MAP3K13: variants seen among roughly 807,000 people sequenced by gnomAD.
MAP3K13 encodes the protein mitogen-activated protein kinase kinase kinase 13.
Under a neutral mutation model 104.0 loss-of-function variants are expected in MAP3K13, and 52 were observed. The observed-to-expected ratio is 0.50, with a 90% CI of 0.40 to 0.63. MAP3K13 has a LOEUF of 0.63. Among genes scored for constraint, MAP3K13 ranks in the 20% least tolerant of loss-of-function variants. The pLI is 0.00. For synonymous variants in MAP3K13, 394 were observed against 442.2 expected (o/e 0.89, Z 1.37); for missense variants, 914 against 1,218.5 (o/e 0.75, Z 3.72).
At chr3:185,476,799 T>C (rs1718158561) in intron 11 of MAP3K13, among the ~76,000 whole-genome samples, 1 of 152,190 alleles carries the variant, frequency 6.6e-6, no homozygotes, top group African/African-American at 2.4e-5. Context: ...TATGCAGTAT[T>C]GTATTAATGG....
rs1718629858 is a variant in MAP3K13 at position 185,484,487 on chromosome 3, T to C, written c.*2031T>C. On this transcript the variant is annotated 3_prime_UTR_variant, in exon 14 of 14. Coordinates refer to ENST00000265026, the MANE Select transcript of MAP3K13 (RefSeq NM_004721.5). ...TTGCACAGACAGCTGTTAAACCATT[T>C]CCAATGCACATGAAAATGTTGCCGC... 1 of 152,212 alleles carries C rather than the reference T, an allele frequency of 6.6e-6. No individual in the cohort carries two copies. Among genetic ancestry groups the C allele is most frequent in the African/African-American group, 2.4e-5 (1 of 41,446 alleles). 9.4% of individuals were successfully genotyped at this position (152,212 alleles called of 1,614,324 possible).
chr3:185,342,331 T>TCC (rs1722751120), intron 2 of MAP3K13, among the ~76,000 whole-genome samples: 1 of 152,212 alleles, frequency 6.6e-6, no homozygotes, highest in African/African-American at 2.4e-5. Flanking sequence ...TACTCATCTG[T>TCC]CCCTTCTGCA....
chr3:185,484,541 C>CA lies in MAP3K13; in HGVS notation c.*2090dup, dbSNP rs1218835680. 6 of 152,226 alleles carry CA rather than the reference C, an allele frequency of 3.9e-5. No individual in the cohort carries two copies. In the South Asian group the frequency reaches 1.2e-3, roughly 32 times the overall value. 9.4% of individuals were successfully genotyped at this position (152,226 alleles called of 1,614,324 possible). On this transcript the variant is annotated 3_prime_UTR_variant, in exon 14 of 14. Transcript: ENST00000265026. The stretch of plus-strand genomic sequence containing the variant: ...TCTGGGTTTTACTGATTGCATCAGC[C>CA]AAAAAGGAAAGGCAGGAGGGAATTT...
Position 185,482,204 on chromosome 3 carries a change from C to A in MAP3K13, c.2800-151C>A. The A allele has an allele frequency of 1.6e-6, 1 of 618,822 alleles. No individual in the cohort carries two copies. Among genetic ancestry groups the A allele is most frequent in the Non-Finnish European group, 2.9e-6 (1 of 344,930 alleles). 38.3% of individuals were successfully genotyped at this position (618,822 alleles called of 1,614,324 possible). A position where few individuals can be genotyped will look rare whatever the true frequency, so the allele number is the denominator to read the frequency against. On this transcript the variant is annotated intron_variant, in intron 13 of 13. Coordinates refer to ENST00000265026, the MANE Select transcript of MAP3K13 (RefSeq NM_004721.5). The surrounding 1 kb of genome is among the most constrained non-coding windows in gnomAD (Gnocchi z 4.5). ...AGCAATCATAATCATCATGTGTTTT[C>A]TTTCTCCATAAGTCCCACAAGGACA... is the stretch of plus-strand genomic sequence containing the variant.
chr3:185,303,782 T>C (rs7426905), intron 2 of MAP3K13, among the ~76,000 whole-genome samples: 118,443 of 151,164 alleles, frequency 0.78, 46,832 homozygotes, highest in Non-Finnish European at 0.84. Context: ...TTAGTTTTGC[T>C]GATTTCTTTC....
intron 1 of MAP3K13, among the ~76,000 whole-genome samples, chr3:185,395,282 T>A (rs1712313771): frequency 6.6e-6 from 1 of 151,768 alleles, no homozygotes; most frequent in Non-Finnish European, 1.5e-5. Context: ...TATTATAACT[T>A]AAATTAGGTT....
At chr3:185,370,652 G>T (rs961820598) in intron 1 of MAP3K13, among the ~76,000 whole-genome samples, 1 of 150,740 alleles carries the variant, frequency 6.6e-6, no homozygotes, top group African/African-American at 2.5e-5. Flanking sequence ...CTTATAAGCA[G>T]GAAATAGATT....
At chr3:185,391,311 G>T (rs1712039687) in intron 1 of MAP3K13, among the ~76,000 whole-genome samples, 1 of 152,096 alleles carries the variant, frequency 6.6e-6, no homozygotes, top group Non-Finnish European at 1.5e-5. Flanking sequence ...ACATATAAAT[G>T]AAATCATACA....
chr3:185,446,369 C>T (rs900808917), intron 4 of MAP3K13, among the ~76,000 whole-genome samples: 7 of 151,964 alleles, frequency 4.6e-5, no homozygotes, highest in Non-Finnish European at 7.4e-5. Flanking sequence ...CATTCTCCTG[C>T]CTCAGCCTCC....
At chr3:185,430,703 T>C (rs1410495816) in intron 2 of MAP3K13, among the ~76,000 whole-genome samples, 1 of 152,184 alleles carries the variant, frequency 6.6e-6, no homozygotes, top group African/African-American at 2.4e-5. Context: ...GTATGAAATT[T>C]GGAAAATACA....
chr3:185,334,797 C>T (rs9870857), intron 2 of MAP3K13, among the ~76,000 whole-genome samples: 115,918 of 151,840 alleles, frequency 0.76, 44,982 homozygotes, highest in Middle Eastern at 0.84. Flanking sequence ...TTAGTAGAGA[C>T]GGTGTTTCAC....
intron 1 of MAP3K13, among the ~76,000 whole-genome samples, chr3:185,411,264 G>T (rs965676498): frequency 2.0e-5 from 3 of 152,136 alleles, no homozygotes; most frequent in African/African-American, 7.2e-5. Context: ...ATCAGAAAAT[G>T]AAGGGAAAAA....
chr3:185,442,851 T>C (rs1715401372), intron 3 of MAP3K13, among the ~76,000 whole-genome samples: 1 of 151,934 alleles, frequency 6.6e-6, no homozygotes, highest in African/African-American at 2.4e-5. Flanking sequence ...TATTATTTTT[T>C]ATTTTTGAGA....
chr3:185,400,128 GA>G (rs1158167757), intron 1 of MAP3K13, among the ~76,000 whole-genome samples: 1 of 152,002 alleles, frequency 6.6e-6, no homozygotes, highest in South Asian at 2.1e-4. Context: ...CAGGAGAAAA[GA>G]AAAAAATCCT....
At chr3:185,291,590 TTG>T in intron 2 of MAP3K13, 3 of 1,501,470 alleles carry the variant, frequency 2.0e-6, no homozygotes, top group Non-Finnish European at 1.8e-6. Flanking sequence ...TAGAATTTTT[TTG>T]TGTTTTGTTT....
In MAP3K13 at chr3:185,473,653, G is replaced by C; in HGVS notation, c.2322G>C (p.Glu774Asp). 1 of 1,614,182 alleles carries C rather than the reference G, an allele frequency of 6.2e-7. No individual in the cohort carries two copies. ...NPLLENAQSS[E>D]KTEENEFSGC... ...TCTTGGAAAACGCCCAGAGTTCTGAGAAAACGGAAGAAAATGAATTCAGCG... is the reference window on the plus strand; with the variant it reads ...TCTTGGAAAACGCCCAGAGTTCTGACAAAACGGAAGAAAATGAATTCAGCG... Residue 774 changes from glutamate to aspartate, a missense_variant, in exon 11 of 14, where the codon GAG (glutamate) becomes GAC (aspartate). By Grantham distance (45) the Glu-to-Asp change is conservative. Around this residue, in one of 3 missense-constraint regions of MAP3K13, gnomAD observed 583 missense variants for 737.4 expected, o/e 0.79. Coordinates refer to ENST00000265026, the MANE Select transcript of MAP3K13 (RefSeq NM_004721.5). This position sits in a 1 kb window ranked among gnomAD's most constrained non-coding sequence, Gnocchi z 4.9.
chr3:185,356,040 G>A (rs545947600), intron 2 of MAP3K13, among the ~76,000 whole-genome samples: 1 of 152,216 alleles, frequency 6.6e-6, no homozygotes, highest in Admixed American at 6.5e-5. Flanking sequence ...GAGATAAACG[G>A]TAAAAAGATT....
rs188669013 is a variant in MAP3K13 at position 185,466,882 on chromosome 3, G to A, written c.1562G>A (p.Arg521His). The change falls in exon 10 of 14, where the codon CGT (arginine) becomes CAT (histidine). Residue 521 changes from arginine to histidine, a missense_variant. By Grantham distance (29) the Arg-to-His change is conservative. Transcript: ENST00000265026. ...YPGTYKRHPV[R>H]PIIHPNAMEK... ...GGGACCTACAAACGACACCCTGTTCGTCCTATCATCCATCCCAATGCCATG... is the reference window on the plus strand; with the variant it reads ...GGGACCTACAAACGACACCCTGTTCATCCTATCATCCATCCCAATGCCATG... 105 of 1,613,942 alleles carry A rather than the reference G, an allele frequency of 6.5e-5. No homozygotes were observed. The Admixed American group carries it at 6.8e-4, about 11-fold the overall frequency.
chr3:185,286,265 T>A (rs112265343), intron 2 of MAP3K13, among the ~76,000 whole-genome samples: 28 of 152,234 alleles, frequency 1.8e-4, no homozygotes, highest in African/African-American at 6.5e-4. Context: ...AGTTTGTTCA[T>A]TTTCAGAACC....
Sources: gnomAD v4.1 joint callset for allele counts (sites outside exome capture counted in the v4.1 genomes callset) on GRCh38, gnomAD v4.1.1 for gene constraint, gnomAD v4.1.1 regional missense constraint, Gnocchi (gnomAD v3.1) non-coding constraint, MANE v1.5 for transcripts, NCBI Gene and HGNC (gene_info 2026-07-23, HGNC 2026-07-21) for gene names.